CYB5R4: variants seen among roughly 807,000 people sequenced by gnomAD.
CYB5R4 encodes the protein N-terminal cytochrome b5 and cytochrome b5 oxidoreductase domain-containing protein.
Under a neutral mutation model 70.2 loss-of-function variants are expected in CYB5R4, and 55 were observed. That is an observed-to-expected ratio of 0.78 (90% confidence interval 0.63 to 0.98). CYB5R4 has a LOEUF of 0.98. CYB5R4 is among the 50% of genes least tolerant of loss of function. CYB5R4 has a pLI of 0.00. For synonymous variants in CYB5R4, 197 were observed against 199.5 expected (o/e 0.99, Z 0.11); for missense variants, 562 against 612.6 (o/e 0.92, Z 0.87).
At chr6:83,940,015 GT>G (rs370968292) in intron 12 of CYB5R4, 40 bp from the exon 13 acceptor site, 12,236 of 1,127,710 alleles carry the variant, frequency 0.011, no homozygotes, top group Middle Eastern at 0.015. Flanking sequence ...TTTGTTTTTT[GT>G]TTTTTTTTTT....
At chr6:83,911,011 C>CAAAGATGA (rs1380303413) in intron 4 of CYB5R4, among the ~76,000 whole-genome samples, 12 of 152,064 alleles carry the variant, frequency 7.9e-5, no homozygotes, top group Non-Finnish European at 1.6e-4. Flanking sequence ...AAGATGATTA[C>CAAAGATGA]AAAGATGAAT....
chr6:83,936,361 G>T lies in CYB5R4; in HGVS notation c.1093G>T (p.Asp365Tyr), dbSNP rs755935763. ...YPTGLFTPEL[D>Y]RLQIGDFVSV... ...CACTGGACTCTTCACACCAGAGCTT[G>T]ATCGTCTTCAGATTGGTTAGTATTT... Residue 365 changes from aspartate (D) to tyrosine (Y), a missense_variant, in exon 12 of 16, where the codon GAT becomes TAT. Transcript: ENST00000369681. 1.2e-6 allele frequency: 2 copies of T among 1,610,960 alleles called. No homozygotes were observed. The highest frequency in any genetic ancestry group is 8.5e-7 in the Non-Finnish European group (1 of 1,179,160).
intron 3 of CYB5R4, among the ~76,000 whole-genome samples, chr6:83,893,888 G>T (rs2099461489): frequency 6.6e-6 from 1 of 152,130 alleles, no homozygotes; most frequent in Non-Finnish European, 1.5e-5. Flanking sequence ...TGTTTATTCA[G>T]TCTTGATTAG....
chr6:83,951,801 T>C (rs2099471576), intron 14 of CYB5R4, among the ~76,000 whole-genome samples: 1 of 152,220 alleles, frequency 6.6e-6, no homozygotes, highest in African/African-American at 2.4e-5. Context: ...ATATACCCAG[T>C]AATGGGATTG....
chr6:83,861,415 G>A (rs2099455913), intron 1 of CYB5R4, among the ~76,000 whole-genome samples: 2 of 152,204 alleles, frequency 1.3e-5, no homozygotes, highest in South Asian at 4.1e-4. Flanking sequence ...TGGGAAGGTC[G>A]TGTATTATAC....
chr6:83,950,382 A>G (rs2099471337), intron 14 of CYB5R4, among the ~76,000 whole-genome samples: 1 of 152,202 alleles, frequency 6.6e-6, no homozygotes, highest in African/African-American at 2.4e-5. Flanking sequence ...TGAAATCCAA[A>G]CTAAATTCCA....
intron 3 of CYB5R4, among the ~76,000 whole-genome samples, chr6:83,901,535 G>T (rs951361283): frequency 2.0e-5 from 3 of 152,040 alleles, no homozygotes; most frequent in African/African-American, 7.2e-5. Context: ...AGTTCTCCTG[G>T]ATAATATCCT....
chr6:83,859,953 C>G (rs905534957), intron 1 of CYB5R4, 96 bp downstream of exon 1: 2 of 1,175,272 alleles, frequency 1.7e-6, no homozygotes, highest in Non-Finnish European at 2.4e-6. Flanking sequence ...TCCTGCACCC[C>G]TCTCTAAGCT....
intron 2 of CYB5R4, among the ~76,000 whole-genome samples, chr6:83,872,137 A>G (rs1045106240): frequency 6.6e-6 from 1 of 152,166 alleles, no homozygotes; most frequent in African/African-American, 2.4e-5. Flanking sequence ...ATTACTTGAT[A>G]GTGGCAATTT....
intron 2 of CYB5R4, among the ~76,000 whole-genome samples, chr6:83,891,921 G>A (rs1412789969): frequency 6.6e-6 from 1 of 152,152 alleles, no homozygotes; most frequent in Non-Finnish European, 1.5e-5. Flanking sequence ...TAGATTTCTT[G>A]TTCTTGAGAA....
At position 83,909,106 on chromosome 6, in the gene CYB5R4, G is replaced by A; in HGVS notation, c.412+16G>A. 4 of 1,595,122 alleles carry A rather than the reference G, an allele frequency of 2.5e-6. No homozygotes were observed. Among genetic ancestry groups the A allele is most frequent in the Non-Finnish European group, 3.4e-6 (4 of 1,162,796 alleles). ...GTTCTGAAAGGTAAGTGGTGCTGGT[G>A]CTAAACCAGCATGGATGTGTGGTGC... On this transcript the variant is annotated intron_variant, in intron 4 of 15. Coordinates refer to ENST00000369681, the MANE Select transcript of CYB5R4 (RefSeq NM_016230.4).
At chr6:83,902,906 A>G (rs2099463213) in intron 3 of CYB5R4, among the ~76,000 whole-genome samples, 1 of 152,112 alleles carries the variant, frequency 6.6e-6, no homozygotes, top group African/African-American at 2.4e-5. Flanking sequence ...GAATTTGTTT[A>G]TCAGCTCTAA....
intron 5 of CYB5R4, 80 bp downstream of exon 5, chr6:83,914,528 T>C (rs2099465185): frequency 7.8e-7 from 1 of 1,288,870 alleles, no homozygotes; most frequent in South Asian, 1.5e-5. Flanking sequence ...GTCTGGGGCA[T>C]TTAAATTTTT....
At chr6:83,930,615 C>T (rs1211314987) in intron 10 of CYB5R4, among the ~76,000 whole-genome samples, 4 of 152,108 alleles carry the variant, frequency 2.6e-5, no homozygotes, top group African/African-American at 4.8e-5. Context: ...TTACTTCCTC[C>T]ACTGAAGTCT....
At chr6:83,867,277 C>G (rs1194188713) in intron 2 of CYB5R4, among the ~76,000 whole-genome samples, 1 of 152,072 alleles carries the variant, frequency 6.6e-6, no homozygotes, top group African/African-American at 2.4e-5. Flanking sequence ...GAAGGAAAGG[C>G]CTGAACAAAG....
intron 12 of CYB5R4, among the ~76,000 whole-genome samples, chr6:83,938,835 ATT>A (rs34925112): frequency 1.4e-5 from 2 of 144,806 alleles, no homozygotes; most frequent in African/African-American, 2.5e-5. Context: ...TATTATTATT[ATT>A]TTTTTTTTTT....
chr6:83,900,392 T>C (rs914618371), intron 3 of CYB5R4, among the ~76,000 whole-genome samples: 1 of 152,164 alleles, frequency 6.6e-6, no homozygotes, highest in Non-Finnish European at 1.5e-5. Context: ...TCCAACTAAG[T>C]GGTAAATTTT....
intron 3 of CYB5R4, among the ~76,000 whole-genome samples, chr6:83,900,769 A>G (rs535178019): frequency 6.6e-6 from 1 of 152,218 alleles, no homozygotes; most frequent in African/African-American, 2.4e-5. Flanking sequence ...AGTCTGTTTC[A>G]TCAGAGACTA....
chr6:83,923,921 T>G (rs553035892), intron 9 of CYB5R4, among the ~76,000 whole-genome samples: 7 of 150,040 alleles, frequency 4.7e-5, no homozygotes, highest in Non-Finnish European at 7.4e-5. Flanking sequence ...AAAAAAAAAA[T>G]TAGCCGGGCG....
Sources: allele counts gnomAD v4.1 joint callset (sites outside exome capture counted in the v4.1 genomes callset), GRCh38; gene constraint gnomAD v4.1.1; transcripts MANE v1.5; gene names NCBI Gene and HGNC (gene_info 2026-07-23, HGNC 2026-07-21).